Variants in KYNU observed in about 807,000 individuals in gnomAD.
The protein encoded by KYNU is kynureninase.
In KYNU, 54 loss-of-function variants were observed where a neutral mutation model predicts 59.2. The observed-to-expected ratio is 0.91, with a 90% CI of 0.73 to 1.14. The LOEUF (loss-of-function observed/expected upper bound fraction) is 1.14. Among genes scored for constraint, KYNU ranks in the 50% most tolerant of loss-of-function variants. The probability of loss-of-function intolerance (pLI) is 0.00; values close to 1 mark genes in which losing one functional copy is unlikely to be tolerated. For synonymous variants in KYNU, 177 were observed against 192.0 expected (o/e 0.92, Z 0.65); for missense variants, 567 against 554.4 (o/e 1.02, Z -0.23).
intron 3 of KYNU, among the ~76,000 whole-genome samples, chr2:142,920,670 T>C (rs1682849601): frequency 6.6e-6 from 1 of 152,228 alleles, no homozygotes; most frequent in African/African-American, 2.4e-5. Flanking sequence ...ATTAGACAGA[T>C]GATTCAGAAA....
chr2:142,960,691 T>C lies in KYNU; in HGVS notation c.650T>C (p.Val217Ala), dbSNP rs752277959. The C allele has an allele frequency of 9.9e-6, 16 of 1,613,550 alleles. No homozygotes were observed. In the East Asian group the frequency reaches 2.7e-4, roughly 27 times the overall value. The change falls in exon 8 of 14, where the codon GTG becomes GCG. Residue 217 changes from valine to alanine, a missense_variant. Val to Ala is a moderately conservative substitution (Grantham distance 64). Transcript: ENST00000264170. ...VIEKEGDSIA[V>A]ILFSGVHFYT... ...GAGAAGGAAGGAGACTCAATTGCAG[T>C]GATCCTGTTCAGTGGGGTGCATTTT...
intron 3 of KYNU, among the ~76,000 whole-genome samples, chr2:142,920,048 C>T (rs535302290): frequency 5.3e-5 from 8 of 152,138 alleles, no homozygotes; most frequent in African/African-American, 1.2e-4. Context: ...CCATCCTGGG[C>T]GACTCTGCTT....
At chr2:142,894,846 C>G (rs1007655466) in intron 2 of KYNU, among the ~76,000 whole-genome samples, 2 of 152,164 alleles carry the variant, frequency 1.3e-5, no homozygotes, top group African/African-American at 4.8e-5. Context: ...TGGCTCACCC[C>G]TGTAACCCAG....
chr2:142,916,103 C>A (rs2104985281), intron 2 of KYNU, among the ~76,000 whole-genome samples: 1 of 152,188 alleles, frequency 6.6e-6, no homozygotes, highest in East Asian at 1.9e-4. Flanking sequence ...GACTCAGAGC[C>A]TGCAAAATTG....
At chr2:142,989,543 C>G (rs1002996991) in intron 10 of KYNU, 2 of 952,348 alleles carry the variant, frequency 2.1e-6, no homozygotes, top group African/African-American at 3.5e-5. Flanking sequence ...AATAACATTT[C>G]TTCTCATGGT....
At chr2:142,984,753 T>C (rs377442228) in intron 8 of KYNU, among the ~76,000 whole-genome samples, 66 of 152,192 alleles carry the variant, frequency 4.3e-4, no homozygotes, top group African/African-American at 1.2e-3. Context: ...CTGGAACCAA[T>C]GTAATGACTA....
intron 2 of KYNU, among the ~76,000 whole-genome samples, chr2:142,896,470 C>A (rs999361040): frequency 6.6e-6 from 1 of 151,930 alleles, no homozygotes; most frequent in African/African-American, 2.4e-5. Flanking sequence ...ATTTTGACTA[C>A]TTTTTTTTAA....
chr2:142,909,959 A>T (rs1682423753), intron 2 of KYNU, among the ~76,000 whole-genome samples: 1 of 152,004 alleles, frequency 6.6e-6, no homozygotes, highest in African/African-American at 2.4e-5. Context: ...CCTTGTCACC[A>T]TCTGTTATTT....
chr2:142,974,554 A>G (rs1454974712), intron 8 of KYNU, among the ~76,000 whole-genome samples: 1 of 152,092 alleles, frequency 6.6e-6, no homozygotes, highest in Non-Finnish European at 1.5e-5. Flanking sequence ...CCTGCCATCT[A>G]TTTGCATAAC....
At chr2:142,941,502 C>A (rs1025634939) in intron 4 of KYNU, among the ~76,000 whole-genome samples, 1 of 152,110 alleles carries the variant, frequency 6.6e-6, no homozygotes, top group African/African-American at 2.4e-5. Context: ...TTTTGTAGAC[C>A]TGAAACTTCG....
chr2:142,967,894 A>T (rs1035029942), intron 8 of KYNU, among the ~76,000 whole-genome samples: 1 of 152,158 alleles, frequency 6.6e-6, no homozygotes, highest in African/African-American at 2.4e-5. Flanking sequence ...TGAGCAATTA[A>T]TTAGCTAGAA....
rs188862648 is a variant in KYNU, at chr2:143,055,166, T to C, written c.*12994T>C. 6.6e-6 allele frequency: 1 copy of C among 152,128 alleles called. No individual in the cohort carries two copies. Among genetic ancestry groups the C allele is most frequent in the African/African-American group, 2.4e-5 (1 of 41,434 alleles). 9.4% of individuals were successfully genotyped at this position (152,128 alleles called of 1,614,324 possible). On this transcript the variant is annotated 3_prime_UTR_variant, in exon 14 of 14. Coordinates refer to ENST00000264170, the MANE Select transcript of KYNU (RefSeq NM_003937.3). ...TGCTATAACAAATGACCAAAAAACA[T>C]AGTGACTGAAAATAACCCACATTTA...
intron 4 of KYNU, chr2:142,947,163 A>G: frequency 6.4e-7 from 1 of 1,551,072 alleles, no homozygotes. Flanking sequence ...AGTATGTGTA[A>G]TCTTAAGTCA....
Position 142,954,822 on chromosome 2 carries a change from AAG to A in KYNU, c.388_389del (p.Glu130AsnfsTer20). ...GTTTATTTTACAGGAGCCAATGAGA[AAG>A]AAATAGCCCTAATGAATGCTTTGAC... On this transcript the variant is annotated frameshift_variant, in exon 5 of 14. Transcript: ENST00000264170. LOFTEE classifies it high-confidence loss of function. 6.3e-7 allele frequency: 1 copy of A among 1,599,512 alleles called. No individual in the cohort carries two copies. The highest frequency in any genetic ancestry group is 8.6e-7 in the Non-Finnish European group (1 of 1,167,094).
intron 4 of KYNU, among the ~76,000 whole-genome samples, chr2:142,932,072 A>G (rs1683238937): frequency 6.6e-6 from 1 of 152,134 alleles, no homozygotes; most frequent in Admixed American, 6.5e-5. Flanking sequence ...CTTGGTCGGT[A>G]GGAAAAGGTA....
intron 10 of KYNU, among the ~76,000 whole-genome samples, chr2:143,024,529 T>C (rs560315668): frequency 1.3e-5 from 2 of 151,626 alleles, no homozygotes; most frequent in East Asian, 3.9e-4. Context: ...TCATGTATCA[T>C]GTTTTTTTTT....
Position 143,055,574 on chromosome 2 carries a change from T to C in KYNU, c.*13402T>C, listed in dbSNP as rs1443294098. The C allele has an allele frequency of 6.6e-6, 1 of 151,678 alleles. No homozygotes were observed. The highest frequency in any genetic ancestry group is 2.4e-5 in the African/African-American group (1 of 41,196). The allele number at this position is 151,678 out of a possible 1,614,324, so 9.4% of individuals were successfully genotyped here. A position where few individuals can be genotyped will look rare whatever the true frequency, so the allele number is the denominator to read the frequency against. ...CCTCTTTGCCATATAATGTAAAATA[T>C]TCATACCTCTAAGGATTAGGACATG... On this transcript the variant is annotated 3_prime_UTR_variant, in exon 14 of 14. Coordinates refer to ENST00000264170, the MANE Select transcript of KYNU (RefSeq NM_003937.3).
rs1445640019 is a variant in KYNU at position 142,932,058 on chromosome 2, C to T, written c.373+4317C>T. Among the ~76,000 whole-genome samples, 3 of 152,098 alleles carry T rather than the reference C, an allele frequency of 2.0e-5. No individual in the cohort carries two copies. In the East Asian group the frequency reaches 5.8e-4, roughly 29 times the overall value. On this transcript the variant is annotated intron_variant, in intron 4 of 13. Coordinates refer to ENST00000264170, the MANE Select transcript of KYNU (RefSeq NM_003937.3). Reference sequence around the variant, plus strand: ...CCATTCTTGCCTTGGTACCTGGCCCCAGGCTTGGTCGGTAGGAAAAGGTAG... The same window carrying T: ...CCATTCTTGCCTTGGTACCTGGCCCTAGGCTTGGTCGGTAGGAAAAGGTAG...
chr2:142,943,893 G>T (rs1048901230), intron 4 of KYNU, among the ~76,000 whole-genome samples: 1 of 152,126 alleles, frequency 6.6e-6, no homozygotes, highest in African/African-American at 2.4e-5. Context: ...AATAACATTT[G>T]CATCTGCTTA....
Sources: gnomAD v4.1 joint callset for allele counts (sites outside exome capture counted in the v4.1 genomes callset) on GRCh38, gnomAD v4.1.1 for gene constraint, MANE v1.5 for transcripts, NCBI Gene and HGNC (gene_info 2026-07-23, HGNC 2026-07-21) for gene names.